Variants in TECPR1 observed in about 807,000 individuals in gnomAD.
TECPR1 encodes tectonin beta-propeller repeat-containing protein 1.
Under a neutral mutation model 162.4 loss-of-function variants are expected in TECPR1, and 122 were observed. The observed-to-expected ratio is 0.75, with a 90% CI of 0.65 to 0.87. The LOEUF (loss-of-function observed/expected upper bound fraction) is 0.87, where lower values mean the gene tolerates loss of function less well. TECPR1 is among the 40% of genes least tolerant of loss of function. The probability of loss-of-function intolerance (pLI) is 0.00; values close to 1 mark genes in which losing one functional copy is unlikely to be tolerated. For missense variants in TECPR1, 1,432 were observed against 1,618.2 expected (o/e 0.88, Z 1.97); for synonymous variants, 642 against 670.6 (o/e 0.96, Z 0.66).
At chr7:98,234,705 C>CTTTTTTTTTTTTT (rs34332931) in intron 10 of TECPR1, among the ~76,000 whole-genome samples, 6 of 73,502 alleles carry the variant, frequency 8.2e-5, no homozygotes, top group East Asian at 6.8e-4. Flanking sequence ...TTGTTATTGT[C>CTTTTTTTTTTTTT]TTTTTTTTTT....
chr7:98,219,556 A>G (rs879453411), intron 23 of TECPR1, among the ~76,000 whole-genome samples: 1 of 152,196 alleles, frequency 6.6e-6, no homozygotes, highest in African/African-American at 2.4e-5. Flanking sequence ...AAAACAAAAA[A>G]CCAATAATCC....
At chr7:98,230,150 C>T (rs899002104) in intron 15 of TECPR1, among the ~76,000 whole-genome samples, 19 of 151,976 alleles carry the variant, frequency 1.3e-4, no homozygotes, top group Admixed American at 1.1e-3. Flanking sequence ...GTGCATGACA[C>T]CATGCCTTGC....
Position 98,233,913 on chromosome 7 carries a change from TG to T in TECPR1, c.1182-3del. The stretch of plus-strand genomic sequence containing the variant: ...TCATCACCGAAGAAGCAGCCGGCAC[TG>T]GGGACAAATCAGGGCAGACCCATCA... On this transcript the variant is annotated splice_polypyrimidine_tract_variant and splice_region_variant and intron_variant, in intron 10 of 25. Coordinates refer to ENST00000447648, the MANE Select transcript of TECPR1 (RefSeq NM_015395.3). 6.5e-7 allele frequency: 1 copy of T among 1,528,256 alleles called. No homozygotes were observed. The highest frequency in any genetic ancestry group is 8.8e-7 in the Non-Finnish European group (1 of 1,133,276). The allele number at this position is 1,528,256 out of a possible 1,614,324, so 94.7% of individuals were successfully genotyped here. A position where few individuals can be genotyped will look rare whatever the true frequency, so the allele number is the denominator to read the frequency against.
intron 18 of TECPR1, 29 bp downstream of exon 18, chr7:98,224,977 C>T (rs1425370472): frequency 1.3e-6 from 2 of 1,540,622 alleles, no homozygotes; most frequent in African/African-American, 1.4e-5. Flanking sequence ...GGCGGATTCC[C>T]AACCCCCCAG....
In TECPR1 at chr7:98,231,436, C is replaced by A. The variant is rs908699249; in HGVS notation, c.1975-63G>T. On this transcript the variant is annotated intron_variant, in intron 13 of 25. Coordinates refer to ENST00000447648, the MANE Select transcript of TECPR1 (RefSeq NM_015395.3). ...AGGGCAGGAGGCCTCTGGAGGGTGA[C>A]CCCCACTGTGCTTCACCCTGGGACC... 3.0e-5 allele frequency: 46 copies of A among 1,515,006 alleles called. No individual in the cohort carries two copies. In the Admixed American group the frequency reaches 8.9e-4, roughly 29 times the overall value. 93.8% of individuals were successfully genotyped at this position (1,515,006 alleles called of 1,614,324 possible).
rs542690544 is a variant in TECPR1 at position 98,241,423 on chromosome 7, C to T, written c.658-179G>A. 6.6e-6 allele frequency among the ~76,000 whole-genome samples: 1 copy of T among 152,108 alleles called. No homozygotes were observed. Among genetic ancestry groups the T allele is most frequent in the Non-Finnish European group, 1.5e-5 (1 of 68,014 alleles). Reference sequence around the variant, plus strand: ...GATTCCGGTGGTCCTGAGGGATACACTTGTTCCATTCATCTGTTTGGGGTG... The same window carrying T: ...GATTCCGGTGGTCCTGAGGGATACATTTGTTCCATTCATCTGTTTGGGGTG... On this transcript the variant is annotated intron_variant, in intron 6 of 25. Coordinates refer to ENST00000447648, the MANE Select transcript of TECPR1 (RefSeq NM_015395.3). This position sits in a 1 kb window ranked among gnomAD's most constrained non-coding sequence, Gnocchi z 5.0.
At chr7:98,245,163 A>AGCC in intron 3 of TECPR1, 96 bp from the exon 4 acceptor site, 1 of 1,345,744 alleles carries the variant, frequency 7.4e-7, no homozygotes, top group African/African-American at 1.4e-5. Flanking sequence ...GACCCTGCCC[A>AGCC]GCCGACCCCC....
At position 98,222,482 on chromosome 7, in the gene TECPR1, C is replaced by A; in HGVS notation, c.2968G>T (p.Ala990Ser). The A allele has an allele frequency of 3.1e-6, 5 of 1,593,890 alleles. No individual in the cohort carries two copies. The highest frequency in any genetic ancestry group is 4.3e-6 in the Non-Finnish European group (5 of 1,171,462). Residue 990 changes from alanine to serine, a missense_variant, in exon 22 of 26, where the codon GCC becomes TCC. Transcript: ENST00000447648. ...WLHVGTDQPF[A>S]SISIGACYQV... is the part of the protein sequence containing the mutation. ...TAGCAGGCCCCGATGGAGATGGAGGCGAAGGGCTGGTCGGTGCCAACGTGC... is the reference window on the plus strand; with the variant it reads ...TAGCAGGCCCCGATGGAGATGGAGGAGAAGGGCTGGTCGGTGCCAACGTGC...
At chr7:98,239,397 C>G (rs545119462) in intron 8 of TECPR1, among the ~76,000 whole-genome samples, 88 of 152,200 alleles carry the variant, frequency 5.8e-4, no homozygotes, top group Non-Finnish European at 1.1e-3. Flanking sequence ...CTAAAAAATA[C>G]TACAAATACT....
rs550913039 is a variant in TECPR1 at position 98,233,733 on chromosome 7, C to T, written c.1360G>A (p.Ala454Thr). ...CAGGCATCTTCCACGGTATCTTCTGCGGTCCTGCCAGCCCCCAGGCCTGAG... is the reference window on the plus strand; with the variant it reads ...CAGGCATCTTCCACGGTATCTTCTGTGGTCCTGCCAGCCCCCAGGCCTGAG... Reference protein sequence around the residue: ...SASGLGAGRTAEDTVEDACPA... With the variant: ...SASGLGAGRTTEDTVEDACPA... Residue 454 changes from alanine to threonine, a missense_variant, in exon 11 of 26, where the codon GCA becomes ACA. By Grantham distance (58) the Ala-to-Thr change is moderately conservative. Transcript: ENST00000447648. The T allele has an allele frequency of 8.9e-5, 144 of 1,612,390 alleles. 2 individuals carry two copies. The South Asian group carries it at 1.1e-3, about 12-fold the overall frequency.
rs1262175541 is a variant in TECPR1, at chr7:98,215,745, T to C, written c.*1645A>G. Reference sequence around the variant, plus strand: ...CCAGAGAAAACCTGATAGTGAAATGTAAACAGACAGGACAGGGTGGTTCCA... The same window carrying C: ...CCAGAGAAAACCTGATAGTGAAATGCAAACAGACAGGACAGGGTGGTTCCA... On this transcript the variant is annotated 3_prime_UTR_variant, in exon 26 of 26. Coordinates refer to ENST00000447648, the MANE Select transcript of TECPR1 (RefSeq NM_015395.3). 2 of 152,260 alleles carry C rather than the reference T, an allele frequency of 1.3e-5. No homozygotes were observed. The highest frequency in any genetic ancestry group is 4.8e-5 in the African/African-American group (2 of 41,454). The allele number at this position is 152,260 out of a possible 1,614,324, so 9.4% of individuals were successfully genotyped here.
chr7:98,248,533 C>CAAA lies in TECPR1; in HGVS notation c.-19-2371_-19-2369dup, dbSNP rs60387349. 5.9e-3 allele frequency among the ~76,000 whole-genome samples: 57 copies of CAAA among 9,620 alleles called. 15 individuals are homozygous for CAAA. Among genetic ancestry groups the CAAA allele is most frequent in the East Asian group, 0.018 (7 of 392 alleles). 6.3% of individuals were successfully genotyped at this position (9,620 alleles called of 152,430 possible). The stretch of plus-strand genomic sequence containing the variant: ...TGAAAAGAGGAGCAGCTGCCACCGG[C>CAAA]AAAAAAAAAAAAAAAAAAAAAAAAA... On this transcript the variant is annotated intron_variant, in intron 2 of 25. Transcript: ENST00000447648.
chr7:98,233,872 G>A lies in TECPR1; in HGVS notation c.1221C>T (p.Gly407=), dbSNP rs189236109. The change falls in exon 11 of 26, where the codon GGC becomes GGT. Residue 407 remains glycine, a synonymous_variant. Transcript: ENST00000447648. ...CFFGDEVRGS[G]ESAPSDTDAS... ...CATCGGTGTCGCTGGGGGCAGACTC[G>A]CCACTACCCCTCACCTCATCACCGA... 5.0e-3 allele frequency: 7,694 copies of A among 1,554,230 alleles called. 31 individuals are homozygous for A. Among genetic ancestry groups the A allele is most frequent in the Non-Finnish European group, 5.7e-3 (6,560 of 1,148,936 alleles).
chr7:98,246,228 G>A (rs1392845337), intron 2 of TECPR1, 63 bp from the exon 3 acceptor site: 2 of 1,013,422 alleles, frequency 2.0e-6, no homozygotes, highest in Non-Finnish European at 1.4e-6. Flanking sequence ...AGAGTCATGT[G>A]AAACCTGGGA....
rs1798821815 is a variant in TECPR1 at position 98,243,452 on chromosome 7, A to G, written c.657+15T>C. 1 of 1,611,514 alleles carries G rather than the reference A, an allele frequency of 6.2e-7. No homozygotes were observed. The highest frequency in any genetic ancestry group is 8.5e-7 in the Non-Finnish European group (1 of 1,179,592). The stretch of plus-strand genomic sequence containing the variant: ...GATCGTGGGGAGCCAGGGCAGGGAG[A>G]GGGGTTGGCCTTACCTTGCCCTGCA... On this transcript the variant is annotated intron_variant, in intron 6 of 25. Coordinates refer to ENST00000447648, the MANE Select transcript of TECPR1 (RefSeq NM_015395.3).
intron 23 of TECPR1, among the ~76,000 whole-genome samples, chr7:98,219,824 C>T (rs1798099927): frequency 6.6e-6 from 1 of 151,938 alleles, no homozygotes; most frequent in Non-Finnish European, 1.5e-5. Context: ...TCGCTTGAAC[C>T]TGGGAGGCAG....
At position 98,228,129 on chromosome 7, in the gene TECPR1, GTGGCTGC is replaced by G. The variant is rs756900063; in HGVS notation, c.2411-20_2411-14del. The G allele has an allele frequency of 5.6e-6, 9 of 1,601,558 alleles. No homozygotes were observed. The highest frequency in any genetic ancestry group is 7.7e-6 in the Non-Finnish European group (9 of 1,173,154). On this transcript the variant is annotated splice_polypyrimidine_tract_variant and intron_variant, in intron 16 of 25. Transcript: ENST00000447648. ...CTGCTGGCCAGGCCTGTGGGGAGAG[GTGGCTGC>G]TGGGACCGAGGCCACATACGCTCCG...
chr7:98,245,720 C>T (rs904770928), intron 3 of TECPR1, among the ~76,000 whole-genome samples: 2 of 152,154 alleles, frequency 1.3e-5, no homozygotes, highest in Admixed American at 6.5e-5. Context: ...GCGATCTGCC[C>T]GCCACAGCCT....
chr7:98,249,975 T>A (rs2116644499), intron 2 of TECPR1, among the ~76,000 whole-genome samples: 1 of 151,812 alleles, frequency 6.6e-6, no homozygotes, highest in South Asian at 2.1e-4. Flanking sequence ...GTCTTCAGCC[T>A]CTTCATTTCC....
Sources: allele counts gnomAD v4.1 joint callset (sites outside exome capture counted in the v4.1 genomes callset), GRCh38; gene constraint gnomAD v4.1.1; non-coding constraint Gnocchi (gnomAD v3.1); transcripts MANE v1.5; gene names NCBI Gene and HGNC (gene_info 2026-07-23, HGNC 2026-07-21).